EPN1: variants seen among roughly 807,000 people sequenced by gnomAD.
The protein encoded by EPN1 is epsin 1.
EPN1 carries 25 observed loss-of-function variants against 56.9 expected under a neutral mutation model. The observed-to-expected ratio is 0.44, with a 90% confidence interval of 0.32 to 0.61. EPN1 has a LOEUF of 0.61. Among genes scored for constraint, EPN1 ranks in the 20% least tolerant of loss-of-function variants. The pLI is 0.05. For missense variants in EPN1, 785 were observed against 823.7 expected, an observed-to-expected ratio of 0.95 and a Z score of 0.58; for synonymous variants, 411 against 361.8, an observed-to-expected ratio of 1.14 and a Z score of -1.54.
rs996071904 is a variant in EPN1, at chr19:55,696,915, A to G, written c.*1559A>G. 6.6e-6 allele frequency: 1 copy of G among 152,222 alleles called. No individual in the cohort carries two copies. 9.4% of individuals were successfully genotyped at this position (152,222 alleles called of 1,614,324 possible). A position where few individuals can be genotyped will look rare whatever the true frequency, so the allele number is the denominator to read the frequency against. On this transcript the variant is annotated 3_prime_UTR_variant, in exon 11 of 11. Coordinates refer to ENST00000270460, the MANE Select transcript of EPN1 (RefSeq NM_001130072.2). ...CTCTGGCCTCCACTTGCCCCTGCAG[A>G]CCAGGGTGTCTGGAGGGTTGTCGGG...
intron 2 of EPN1, among the ~76,000 whole-genome samples, chr19:55,682,679 G>C (rs8108907): frequency 0.14 from 21,901 of 152,062 alleles, 2,601 homozygotes; most frequent in African/African-American, 0.31. Flanking sequence ...GCGATCCACC[G>C]ACTTTAGCCT....
Position 55,704,841 on chromosome 19 carries a change from G to T in EPN1, c.*9485G>T, listed in dbSNP as rs1987318203. The T allele has an allele frequency of 6.6e-6, 1 of 152,308 alleles. No homozygotes were observed. The highest frequency in any genetic ancestry group is 1.5e-5 in the Non-Finnish European group (1 of 68,098). The allele number at this position is 152,308 out of a possible 1,614,324, so 9.4% of individuals were successfully genotyped here. On this transcript the variant is annotated 3_prime_UTR_variant, in exon 11 of 11. Coordinates refer to ENST00000270460, the MANE Select transcript of EPN1 (RefSeq NM_001130072.2). ...ATACAGACAACAGAGACAGGAGATGGCCTGGCCCCACTTCATTTCTGTTCC... is the reference window on the plus strand; with the variant it reads ...ATACAGACAACAGAGACAGGAGATGTCCTGGCCCCACTTCATTTCTGTTCC...
intron 2 of EPN1, among the ~76,000 whole-genome samples, chr19:55,680,254 C>T (rs1216023615): frequency 6.6e-6 from 1 of 152,202 alleles, no homozygotes; most frequent in African/African-American, 2.4e-5. Flanking sequence ...GCACATATTT[C>T]ATAACTGTCA....
Position 55,708,715 on chromosome 19 carries a change from T to A in EPN1, c.*13359T>A, listed in dbSNP as rs1421581103. On this transcript the variant is annotated 3_prime_UTR_variant, in exon 11 of 11. Transcript: ENST00000270460. ...GATGGGATTTCTAAAGACAAGGGGA[T>A]ATAGGACCGAGGCAAAGACAATCAG... 2.3e-6 allele frequency: 1 copy of A among 429,888 alleles called. No individual in the cohort carries two copies. Among genetic ancestry groups the A allele is most frequent in the Admixed American group, 4.0e-5 (1 of 24,994 alleles). 26.6% of individuals were successfully genotyped at this position (429,888 alleles called of 1,614,324 possible).
In EPN1 at chr19:55,700,986, C is replaced by G. The variant is rs569208599; in HGVS notation, c.*5630C>G. On this transcript the variant is annotated 3_prime_UTR_variant, in exon 11 of 11. Transcript: ENST00000270460. ...ATCACGTCCAGGAGTGGCCAGGTCC[C>G]GATGTCACGGGGAGCCGGGCTGGGA... 5 of 152,194 alleles carry G rather than the reference C, an allele frequency of 3.3e-5. No individual in the cohort carries two copies. Among genetic ancestry groups the G allele is most frequent in the Non-Finnish European group, 7.3e-5 (5 of 68,092 alleles). 9.4% of individuals were successfully genotyped at this position (152,194 alleles called of 1,614,324 possible).
chr19:55,677,246 C>CCT, intron 1 of EPN1: 1 of 1,283,426 alleles, frequency 7.8e-7, no homozygotes. Flanking sequence ...AGGGGCTGAA[C>CCT]CTCTGTGTCT....
chr19:55,689,267 G>A lies in EPN1; in HGVS notation c.604-30G>A, dbSNP rs368682243. 3,667 of 1,498,220 alleles carry A rather than the reference G, an allele frequency of 2.4e-3. 6 individuals are homozygous for A. Among genetic ancestry groups the A allele is most frequent in the Middle Eastern group, 3.7e-3 (22 of 5,884 alleles). 92.8% of individuals were successfully genotyped at this position (1,498,220 alleles called of 1,614,324 possible). A position where few individuals can be genotyped will look rare whatever the true frequency, so the allele number is the denominator to read the frequency against. On this transcript the variant is annotated intron_variant, in intron 4 of 10. Transcript: ENST00000270460. This position sits in a 1 kb window ranked among gnomAD's most constrained non-coding sequence, Gnocchi z 5.7. ...TCTGACTCTGCCTCTGGCCCCTCCC[G>A]TCATGCCCCTCACACTCTCTCTCCC...
chr19:55,686,038 AG>A (rs1986148571), intron 3 of EPN1, among the ~76,000 whole-genome samples: 1 of 152,120 alleles, frequency 6.6e-6, no homozygotes, highest in African/African-American at 2.4e-5. Context: ...GGAGAGGCAG[AG>A]GGGGGCCTGG....
rs1310357176 is a variant in EPN1 at position 55,699,123 on chromosome 19, A to G, written c.*3767A>G. ...TGCACAACGCGCAGGTTTGTTACATATATATACATGTGCCATGTTGGTGTG... is the reference window on the plus strand; with the variant it reads ...TGCACAACGCGCAGGTTTGTTACATGTATATACATGTGCCATGTTGGTGTG... On this transcript the variant is annotated 3_prime_UTR_variant, in exon 11 of 11. Coordinates refer to ENST00000270460, the MANE Select transcript of EPN1 (RefSeq NM_001130072.2). The G allele has an allele frequency of 6.6e-6, 1 of 152,130 alleles. No individual in the cohort carries two copies. The highest frequency in any genetic ancestry group is 2.4e-5 in the African/African-American group (1 of 41,410). The allele number at this position is 152,130 out of a possible 1,614,324, so 9.4% of individuals were successfully genotyped here. A position where few individuals can be genotyped will look rare whatever the true frequency, so the allele number is the denominator to read the frequency against.
At position 55,691,702 on chromosome 19, in the gene EPN1, C is replaced by T; in HGVS notation, c.763-52C>T. ...CCACGGGCCCCAGCTTGGTCCCTGT[C>T]CCAGGCTTCCCACCACTTCTTCATG... On this transcript the variant is annotated intron_variant, in intron 6 of 10. Transcript: ENST00000270460. The surrounding 1 kb of genome is among the most constrained non-coding windows in gnomAD (Gnocchi z 5.6). 4 of 1,558,488 alleles carry T rather than the reference C, an allele frequency of 2.6e-6. No homozygotes were observed. Among genetic ancestry groups the T allele is most frequent in the Non-Finnish European group, 3.5e-6 (4 of 1,140,986 alleles).
chr19:55,689,230 C>A lies in EPN1; in HGVS notation c.604-67C>A. 1 of 1,278,618 alleles carries A rather than the reference C, an allele frequency of 7.8e-7. No individual in the cohort carries two copies. 79.2% of individuals were successfully genotyped at this position (1,278,618 alleles called of 1,614,324 possible). ...CTCTCTTTCTTCGGCTCTATCTGAC[C>A]CTGGCTCTGCCTCTGACTCTGCCTC... On this transcript the variant is annotated intron_variant, in intron 4 of 10. Transcript: ENST00000270460. The surrounding 1 kb of genome is among the most constrained non-coding windows in gnomAD (Gnocchi z 5.7).
intron 7 of EPN1, 148 bp downstream of exon 7, chr19:55,692,205 G>A (rs932674656): frequency 1.5e-5 from 10 of 681,068 alleles, no homozygotes; most frequent in Non-Finnish European, 2.3e-5. Flanking sequence ...AAGGGCGGGG[G>A]TCAGATGAGA....
At chr19:55,677,245 A>G in intron 1 of EPN1, 1 of 1,293,422 alleles carries the variant, frequency 7.7e-7, no homozygotes, top group Non-Finnish European at 1.1e-6. Context: ...AAGGGGCTGA[A>G]CCTCTGTGTC....
In EPN1 at chr19:55,689,482, C is replaced by T; in HGVS notation, c.678+111C>T. 1 of 802,884 alleles carries T rather than the reference C, an allele frequency of 1.2e-6. No homozygotes were observed. Among genetic ancestry groups the T allele is most frequent in the Non-Finnish European group, 2.1e-6 (1 of 484,492 alleles). The allele number at this position is 802,884 out of a possible 1,614,324, so 49.7% of individuals were successfully genotyped here. A position where few individuals can be genotyped will look rare whatever the true frequency, so the allele number is the denominator to read the frequency against. ...TCCTGCTGGGCCCGAAGCCCACAGG[C>T]TCACGCGTGTTGAAACCTCAGTACC... On this transcript the variant is annotated intron_variant, in intron 5 of 10. Coordinates refer to ENST00000270460, the MANE Select transcript of EPN1 (RefSeq NM_001130072.2). The surrounding 1 kb of genome is among the most constrained non-coding windows in gnomAD (Gnocchi z 5.7).
intron 7 of EPN1, 97 bp downstream of exon 7, chr19:55,692,154 G>C (rs929037817): frequency 4.0e-6 from 5 of 1,239,532 alleles, no homozygotes; most frequent in Non-Finnish European, 5.3e-6. Flanking sequence ...AGCCAGTGGC[G>C]CCGGGCAGTG....
At position 55,702,971 on chromosome 19, in the gene EPN1, T is replaced by A. The variant is rs112837418; in HGVS notation, c.*7615T>A. The A allele has an allele frequency of 6.6e-6, 1 of 152,004 alleles. No individual in the cohort carries two copies. The highest frequency in any genetic ancestry group is 2.4e-5 in the African/African-American group (1 of 41,370). The allele number at this position is 152,004 out of a possible 1,614,324, so 9.4% of individuals were successfully genotyped here. ...CACCACGCCCGGCTAAGCTAATTTTTTGTATTGTTAGTAGAGACGGGGTTT... is the reference window on the plus strand; with the variant it reads ...CACCACGCCCGGCTAAGCTAATTTTATGTATTGTTAGTAGAGACGGGGTTT... On this transcript the variant is annotated 3_prime_UTR_variant, in exon 11 of 11. Coordinates refer to ENST00000270460, the MANE Select transcript of EPN1 (RefSeq NM_001130072.2).
Position 55,692,028 on chromosome 19 carries a change from C to G in EPN1, c.1037C>G (p.Pro346Arg). The change falls in exon 7 of 11, where the codon CCC (proline) becomes CGC (arginine). Residue 346 changes from proline to arginine, a missense_variant. By Grantham distance (103) the Pro-to-Arg change is moderately radical (BLOSUM62 -2). This residue lies in a region of EPN1 where 650 missense variants were observed against 605.0 expected (regional missense o/e 1.07). Coordinates refer to ENST00000270460, the MANE Select transcript of EPN1 (RefSeq NM_001130072.2). ...GTPAPAAGEG[P>R]TPDPWGSSDG... ...CCAGCCCCTGCAGCTGGGGAGGGGC[C>G]CACGCCTGATCCATGGGGAAGTTCC... 1 of 1,464,544 alleles carries G rather than the reference C, an allele frequency of 6.8e-7. No homozygotes were observed. Among genetic ancestry groups the G allele is most frequent in the Non-Finnish European group, 9.0e-7 (1 of 1,115,296 alleles). The allele number at this position is 1,464,544 out of a possible 1,614,324, so 90.7% of individuals were successfully genotyped here. A position where few individuals can be genotyped will look rare whatever the true frequency, so the allele number is the denominator to read the frequency against.
chr19:55,694,707 C>T lies in EPN1; in HGVS notation c.1265-19C>T. 1.3e-6 allele frequency: 2 copies of T among 1,541,632 alleles called. No individual in the cohort carries two copies. Among genetic ancestry groups the T allele is most frequent in the Non-Finnish European group, 1.7e-6 (2 of 1,143,552 alleles). ...ACTGCTGTCTGCCCTGTCTGAGCCC[C>T]TCTCCCGGATCCTTCCAGGAGAGCT... On this transcript the variant is annotated intron_variant, in intron 9 of 10. Transcript: ENST00000270460. This position sits in a 1 kb window ranked among gnomAD's most constrained non-coding sequence, Gnocchi z 4.2.
In EPN1 at chr19:55,691,803, C is replaced by A. The variant is rs200210378; in HGVS notation, c.812C>A (p.Pro271Gln). 1 of 1,612,666 alleles carries A rather than the reference C, an allele frequency of 6.2e-7. No homozygotes were observed. Among genetic ancestry groups the A allele is most frequent in the Non-Finnish European group, 8.5e-7 (1 of 1,179,304 alleles). The change falls in exon 7 of 11, where the codon CCG becomes CAG. Residue 271 changes from proline (P) to glutamine (Q), a missense_variant. By Grantham distance (76) the Pro-to-Gln change is moderately conservative. Coordinates refer to ENST00000270460, the MANE Select transcript of EPN1 (RefSeq NM_001130072.2). This position sits in a 1 kb window ranked among gnomAD's most constrained non-coding sequence, Gnocchi z 5.6. ...ADVFTAPAPAPTTDPWGGPAP... is the reference protein window; with the variant it reads ...ADVFTAPAPAQTTDPWGGPAP... ...GTCTTCACGGCCCCAGCTCCTGCCC[C>A]GACCACAGACCCCTGGGGGGGCCCA...
Sources: allele counts gnomAD v4.1 joint callset (sites outside exome capture counted in the v4.1 genomes callset), GRCh38; gene constraint gnomAD v4.1.1; regional missense constraint gnomAD v4.1.1; non-coding constraint Gnocchi (gnomAD v3.1); transcripts MANE v1.5; gene names NCBI Gene and HGNC (gene_info 2026-07-23, HGNC 2026-07-21).